EDNRB: variants seen among roughly 807,000 people sequenced by gnomAD.
EDNRB encodes endothelin receptor type B.
EDNRB carries 18 observed loss-of-function variants against 46.4 expected under a neutral mutation model. The ratio of observed to expected loss-of-function variants is 0.39; its 90% CI spans 0.27 to 0.57. The LOEUF is 0.57. EDNRB is among the 20% of genes least tolerant of loss of function. The pLI, the probability that EDNRB is intolerant of heterozygous loss-of-function variation, is 0.61. For missense variants in EDNRB, 434 were observed against 537.5 expected (o/e 0.81, Z 1.90); for synonymous variants, 213 against 204.9 (o/e 1.04, Z -0.34).
chr13:77,966,969 T>G (rs1302963353), intron 1 of EDNRB, among the ~76,000 whole-genome samples: 1 of 152,154 alleles, frequency 6.6e-6, no homozygotes, highest in Non-Finnish European at 1.5e-5. Flanking sequence ...AATAACCCAT[T>G]CACTAAAAAC....
intron 1 of EDNRB, among the ~76,000 whole-genome samples, chr13:77,970,644 C>G (rs971291060): frequency 6.6e-6 from 1 of 151,978 alleles, no homozygotes; most frequent in Non-Finnish European, 1.5e-5. Flanking sequence ...TGAGCCCTCA[C>G]CAGTCTTCAG....
intron 1 of EDNRB, among the ~76,000 whole-genome samples, chr13:77,911,784 A>C (rs2137628928): frequency 6.6e-6 from 1 of 152,166 alleles, no homozygotes; most frequent in African/African-American, 2.4e-5. Flanking sequence ...AAGCCTTGGA[A>C]ATAATAAAAA....
chr13:77,932,121 GA>G (rs1880426238), intron 1 of EDNRB, among the ~76,000 whole-genome samples: 1 of 152,008 alleles, frequency 6.6e-6, no homozygotes, highest in Non-Finnish European at 1.5e-5. Flanking sequence ...GGAGAAGAGA[GA>G]AGTCTTGTCT....
At chr13:77,923,039 A>T (rs768702254), upstream of EDNRB, among the ~76,000 whole-genome samples, 1 of 152,168 alleles carries the variant, frequency 6.6e-6, no homozygotes, top group Non-Finnish European at 1.5e-5. Context: ...AACGTTATCA[A>T]TGATTGCTTG....
chr13:77,919,321 A>C, upstream of EDNRB: 1 of 1,468,042 alleles, frequency 6.8e-7, no homozygotes. Flanking sequence ...AAAATCCCAA[A>C]CTAGTAAGCC....
At chr13:77,944,063 G>A (rs896110937) in intron 1 of EDNRB, among the ~76,000 whole-genome samples, 4 of 152,032 alleles carry the variant, frequency 2.6e-5, no homozygotes, top group African/African-American at 7.2e-5. Context: ...GCTAAGTCTT[G>A]TTTCACCTTT....
chr13:77,953,487 A>T (rs1881149297), intron 1 of EDNRB, among the ~76,000 whole-genome samples: 1 of 152,150 alleles, frequency 6.6e-6, no homozygotes, highest in Admixed American at 6.6e-5. Flanking sequence ...AGAGAGAAGG[A>T]TTAGCCACCT....
chr13:77,903,960 C>T (rs962814894), intron 1 of EDNRB, among the ~76,000 whole-genome samples: 7 of 151,900 alleles, frequency 4.6e-5, no homozygotes, highest in Admixed American at 3.3e-4. Flanking sequence ...ATGGCCAAAG[C>T]AAAATATGGG....
At chr13:77,969,940 CAA>C (rs1566343457) in intron 1 of EDNRB, among the ~76,000 whole-genome samples, 1 of 151,942 alleles carries the variant, frequency 6.6e-6, no homozygotes, top group Non-Finnish European at 1.5e-5. Flanking sequence ...TGTAAATAAA[CAA>C]GAGACATGAT....
chr13:77,949,761 C>A (rs1881035528), intron 1 of EDNRB, among the ~76,000 whole-genome samples: 1 of 152,164 alleles, frequency 6.6e-6, no homozygotes, highest in Non-Finnish European at 1.5e-5. Flanking sequence ...AGATACAGAG[C>A]ACAGGATCTG....
chr13:77,917,667 T>A (rs908341505), intron 1 of EDNRB, among the ~76,000 whole-genome samples: 1 of 152,198 alleles, frequency 6.6e-6, no homozygotes, highest in Non-Finnish European at 1.5e-5. Context: ...ACTAGATCCT[T>A]CAGGACTAGT....
chr13:77,910,085 T>C (rs2137626183), intron 1 of EDNRB, among the ~76,000 whole-genome samples: 1 of 152,136 alleles, frequency 6.6e-6, no homozygotes, highest in Non-Finnish European at 1.5e-5. Context: ...AATGGGAGTC[T>C]ATGAAGAGCT....
chr13:77,915,858 A>G (rs780147473), intron 1 of EDNRB, among the ~76,000 whole-genome samples: 34 of 152,222 alleles, frequency 2.2e-4, no homozygotes, highest in Non-Finnish European at 1.8e-4. Flanking sequence ...AAACACAGTC[A>G]TGTTAAGACT....
chr13:77,900,665 T>A lies in EDNRB; in HGVS notation c.952-11A>T, dbSNP rs373012448. The stretch of plus-strand genomic sequence containing the variant: ...GGCCACTTCCCGTCTCTGAAATAAA[T>A]CCATAGTTTGACCCTTAAAAGATGG... On this transcript the variant is annotated splice_polypyrimidine_tract_variant and intron_variant, in intron 4 of 6. Transcript: ENST00000646607. 1.2e-6 allele frequency: 2 copies of A among 1,611,930 alleles called. No homozygotes were observed. Among genetic ancestry groups the A allele is most frequent in the Non-Finnish European group, 1.7e-6 (2 of 1,178,832 alleles).
chr13:77,936,233 C>T (rs1880559968), intron 1 of EDNRB, among the ~76,000 whole-genome samples: 1 of 152,010 alleles, frequency 6.6e-6, no homozygotes, highest in Non-Finnish European at 1.5e-5. Context: ...GAAAAGGCGG[C>T]AATGAGGTGT....
intron 1 of EDNRB, among the ~76,000 whole-genome samples, chr13:77,910,009 C>T (rs1254682615): frequency 1.3e-5 from 2 of 151,956 alleles, no homozygotes; most frequent in South Asian, 2.1e-4. Flanking sequence ...CCCACCCTCT[C>T]TCTCCTACTC....
chr13:77,920,168 T>C (rs1880034617), upstream of EDNRB, among the ~76,000 whole-genome samples: 1 of 152,218 alleles, frequency 6.6e-6, no homozygotes, highest in East Asian at 1.9e-4. Flanking sequence ...ATTTTTATAC[T>C]GTACCTATGA....
At chr13:77,969,087 C>T (rs1881655895) in intron 1 of EDNRB, among the ~76,000 whole-genome samples, 2 of 152,142 alleles carry the variant, frequency 1.3e-5, no homozygotes, top group South Asian at 2.1e-4. Context: ...CACTGAGTTT[C>T]GTTTAAGCCT....
upstream of EDNRB, chr13:77,919,417 G>T: frequency 1.9e-6 from 3 of 1,612,494 alleles, no homozygotes; most frequent in Non-Finnish European, 2.5e-6. Context: ...TGACAAACCA[G>T]ATGCAGAGCG....
Sources: gnomAD v4.1 joint callset for allele counts (sites outside exome capture counted in the v4.1 genomes callset) on GRCh38, gnomAD v4.1.1 for gene constraint, MANE v1.5 for transcripts, NCBI Gene and HGNC (gene_info 2026-07-23, HGNC 2026-07-21) for gene names.